PALS2: variants seen among roughly 807,000 people sequenced by gnomAD.
PALS2 encodes the protein protein PALS2.
PALS2 carries 27 observed loss-of-function variants against 61.6 expected under a neutral mutation model. The observed-to-expected ratio is 0.44, with a 90% CI of 0.32 to 0.60. PALS2 has a LOEUF of 0.60. Ranked by LOEUF, PALS2 falls within the 20% of genes least tolerant of loss-of-function variation. PALS2 has a pLI of 0.05. For missense variants in PALS2, 554 were observed against 639.4 expected, an observed-to-expected ratio of 0.87 and a Z score of 1.44; for synonymous variants, 236 against 218.6, an observed-to-expected ratio of 1.08 and a Z score of -0.70.
At chr7:24,590,473 A>C (rs1329408556) in intron 1 of PALS2, among the ~76,000 whole-genome samples, 1 of 152,098 alleles carries the variant, frequency 6.6e-6, no homozygotes, top group African/African-American at 2.4e-5. Context: ...GTTCTGAACT[A>C]GGCAGGTAGG....
At chr7:24,638,317 A>ATT (rs1562631729) in intron 2 of PALS2, among the ~76,000 whole-genome samples, 1 of 14,250 alleles carries the variant, frequency 7.0e-5, no homozygotes, top group East Asian at 3.8e-3. Context: ...CAATTTCTGT[A>ATT]TTTTCTTTTT....
intron 9 of PALS2, among the ~76,000 whole-genome samples, chr7:24,672,308 G>A (rs185533821): frequency 3.6e-4 from 54 of 151,554 alleles, no homozygotes; most frequent in African/African-American, 1.2e-3. Context: ...GCTCACTGCA[G>A]CCTCCACCTC....
rs531359831 is a variant in PALS2, at chr7:24,573,890, T to A, written c.-3+297T>A. ...GGGCGGGCCGGAGCTCGGCAACGTG[T>A]CTGGCCCATGCTGCTTGCCGCCGCT... On this transcript the variant is annotated intron_variant, in intron 1 of 11. Transcript: ENST00000222644. This position sits in a 1 kb window ranked among gnomAD's most constrained non-coding sequence, Gnocchi z 5.3. 2,699 of 152,050 alleles carry A rather than the reference T, an allele frequency of 0.018. 42 individuals are homozygous for A. The highest frequency in any genetic ancestry group is 0.03 in the Non-Finnish European group (2,075 of 68,178). The allele number at this position is 152,050 out of a possible 1,614,324, so 9.4% of individuals were successfully genotyped here.
intron 1 of PALS2, among the ~76,000 whole-genome samples, chr7:24,582,641 A>G (rs752824832): frequency 6.6e-5 from 10 of 152,030 alleles, no homozygotes; most frequent in East Asian, 1.9e-4. Flanking sequence ...ATGTATGTCT[A>G]TATGCACATA....
At chr7:24,635,236 T>G (rs1247471173) in intron 2 of PALS2, among the ~76,000 whole-genome samples, 1 of 152,214 alleles carries the variant, frequency 6.6e-6, no homozygotes, top group Non-Finnish European at 1.5e-5. Flanking sequence ...CAACAATGTT[T>G]TATAATTTTC....
chr7:24,675,525 G>A (rs370890786), intron 9 of PALS2, among the ~76,000 whole-genome samples: 8,547 of 140,424 alleles, frequency 0.061, 322 homozygotes, highest in African/African-American at 0.097. Flanking sequence ...ATATCTCCCA[G>A]TGCTATCCCT....
chr7:24,666,344 A>C (rs117207698), intron 8 of PALS2, among the ~76,000 whole-genome samples: 2 of 152,306 alleles, frequency 1.3e-5, no homozygotes, highest in Non-Finnish European at 2.9e-5. Flanking sequence ...TGTTTGTCTT[A>C]ATCAAGAAGC....
At chr7:24,595,539 A>AAATATATATTAACTATATATAAAT (rs1783484483) in intron 1 of PALS2, among the ~76,000 whole-genome samples, 1 of 131,516 alleles carries the variant, frequency 7.6e-6, no homozygotes, top group African/African-American at 2.9e-5. Context: ...TATAATATAT[A>AAATATATATTAACTATATATAAAT]ATATATAAAT....
At chr7:24,621,464 T>TCG in intron 1 of PALS2, among the ~76,000 whole-genome samples, 1 of 152,222 alleles carries the variant, frequency 6.6e-6, no homozygotes, top group East Asian at 1.9e-4. Context: ...CTATTGATTT[T>TCG]GTTTTTAAAA....
At chr7:24,636,233 A>G (rs959042574) in intron 2 of PALS2, among the ~76,000 whole-genome samples, 37 of 150,626 alleles carry the variant, frequency 2.5e-4, no homozygotes, top group Middle Eastern at 3.4e-3. Flanking sequence ...AAAAAAAAAA[A>G]GTATCACTGT....
chr7:24,639,673 CT>C (rs771109602), intron 2 of PALS2, among the ~76,000 whole-genome samples: 351 of 142,978 alleles, frequency 2.5e-3, no homozygotes, highest in African/African-American at 4.0e-3. Context: ...AGATTATTTT[CT>C]TTTTTTTTTT....
chr7:24,679,904 G>GT (rs1217278098), intron 10 of PALS2, among the ~76,000 whole-genome samples: 1 of 151,990 alleles, frequency 6.6e-6, no homozygotes, highest in Non-Finnish European at 1.5e-5. Context: ...TGTTTTTGTT[G>GT]TTTCTTTTTA....
intron 1 of PALS2, among the ~76,000 whole-genome samples, chr7:24,620,702 A>G (rs893778455): frequency 6.6e-6 from 1 of 152,144 alleles, no homozygotes; most frequent in African/African-American, 2.4e-5. Context: ...AATTACTGTT[A>G]ATTTGCTAGG....
Position 24,692,233 on chromosome 7 carries a change from G to C in PALS2, c.*4619G>C, listed in dbSNP as rs1443370926. On this transcript the variant is annotated 3_prime_UTR_variant, in exon 12 of 12. Transcript: ENST00000222644. Reference sequence around the variant, plus strand: ...AAGTAAGCATGGTTCACACCACTTTGGCAATACACTGCAGTACTTTTTAAA... The same window carrying C: ...AAGTAAGCATGGTTCACACCACTTTCGCAATACACTGCAGTACTTTTTAAA... 6.6e-6 allele frequency: 1 copy of C among 152,084 alleles called. No individual in the cohort carries two copies. Among genetic ancestry groups the C allele is most frequent in the Admixed American group, 6.6e-5 (1 of 15,258 alleles). The allele number at this position is 152,084 out of a possible 1,614,324, so 9.4% of individuals were successfully genotyped here.
intron 1 of PALS2, among the ~76,000 whole-genome samples, chr7:24,595,566 T>A (rs1353028305): frequency 2.4e-5 from 3 of 125,474 alleles, no homozygotes; most frequent in African/African-American, 8.8e-5. Flanking sequence ...TAACTATATA[T>A]AAATATATAT....
At chr7:24,591,050 A>C (rs1040480930) in intron 1 of PALS2, among the ~76,000 whole-genome samples, 1 of 151,880 alleles carries the variant, frequency 6.6e-6, no homozygotes, top group African/African-American at 2.4e-5. Flanking sequence ...CCTCCCCTCC[A>C]GTATTAGTGC....
At chr7:24,670,704 TC>T (rs1369014050) in intron 9 of PALS2, among the ~76,000 whole-genome samples, 1 of 152,292 alleles carries the variant, frequency 6.6e-6, no homozygotes, top group African/African-American at 2.4e-5. Context: ...CCCACCAACT[TC>T]CTCACCCCCT....
chr7:24,639,879 T>G (rs1473987149), intron 2 of PALS2, among the ~76,000 whole-genome samples: 1 of 147,798 alleles, frequency 6.8e-6, no homozygotes, highest in African/African-American at 2.5e-5. Context: ...TGCAGTGGCA[T>G]GATCTTGGCT....
chr7:24,606,186 C>G (rs767738567), intron 1 of PALS2, among the ~76,000 whole-genome samples: 6 of 152,118 alleles, frequency 3.9e-5, no homozygotes, highest in Non-Finnish European at 8.8e-5. Context: ...TTAAGAATTA[C>G]TATGAATGAA....
Sources: allele counts gnomAD v4.1 joint callset (sites outside exome capture counted in the v4.1 genomes callset), GRCh38; gene constraint gnomAD v4.1.1; non-coding constraint Gnocchi (gnomAD v3.1); transcripts MANE v1.5; gene names NCBI Gene and HGNC (gene_info 2026-07-23, HGNC 2026-07-21).